Variants in FOXP2 observed in about 807,000 individuals in gnomAD.
FOXP2 encodes forkhead box protein P2.
Under a neutral mutation model 115.8 loss-of-function variants are expected in FOXP2, and 12 were observed. That is an observed-to-expected ratio of 0.10 (90% CI 0.07 to 0.17). FOXP2 has a LOEUF of 0.17. FOXP2 is among the 10% of genes least tolerant of loss of function. The pLI is 1.00. For missense variants in FOXP2, 629 were observed against 843.5 expected, an observed-to-expected ratio of 0.75 and a Z score of 3.15; for synonymous variants, 328 against 297.7, an observed-to-expected ratio of 1.10 and a Z score of -1.05.
Position 114,384,493 on chromosome 7 carries a change from C to T in FOXP2, c.-10-42009C>T, listed in dbSNP as rs147160849. Among the ~76,000 whole-genome samples the T allele has an allele frequency of 2.9e-3, 435 of 152,166 alleles. 3 individuals carry two copies. The highest frequency in any genetic ancestry group is 0.01 in the African/African-American group (421 of 41,526). Reference sequence around the variant, plus strand: ...TTAACTCTGCTTCCACAAGAGTCTCCGTATCAATGACTGAATACCCATTGT... The same window carrying T: ...TTAACTCTGCTTCCACAAGAGTCTCTGTATCAATGACTGAATACCCATTGT... On this transcript the variant is annotated intron_variant, in intron 2 of 17. Transcript: ENST00000634411.
At chr7:114,403,461 G>T (rs188546113) in intron 2 of FOXP2, among the ~76,000 whole-genome samples, 4 of 152,280 alleles carry the variant, frequency 2.6e-5, no homozygotes, top group Admixed American at 2.6e-4. Context: ...TGAAAAGAGT[G>T]AATCACTGTT....
chr7:114,270,440 A>G (rs1796007312), intron 1 of FOXP2, among the ~76,000 whole-genome samples: 2 of 152,174 alleles, frequency 1.3e-5, no homozygotes, highest in African/African-American at 2.4e-5. Context: ...TCCCACCAAC[A>G]ATGAATGAAG....
chr7:114,320,530 C>G (rs978730997), intron 2 of FOXP2, among the ~76,000 whole-genome samples: 1 of 152,158 alleles, frequency 6.6e-6, no homozygotes, highest in African/African-American at 2.4e-5. Context: ...GCACCACATT[C>G]AATACTGATT....
At chr7:114,632,816 G>T (rs1441629817) in intron 6 of FOXP2, among the ~76,000 whole-genome samples, 2 of 151,862 alleles carry the variant, frequency 1.3e-5, no homozygotes, top group Admixed American at 6.6e-5. Flanking sequence ...AAGGCAATAA[G>T]CCTGTTTTTC....
intron 1 of FOXP2, among the ~76,000 whole-genome samples, chr7:114,102,889 C>G (rs945064780): frequency 1.3e-5 from 2 of 151,984 alleles, no homozygotes; most frequent in African/African-American, 4.8e-5. Flanking sequence ...TAGTTCTTCC[C>G]TTTTCATTGC....
chr7:114,524,638 T>G (rs151139416), intron 2 of FOXP2, among the ~76,000 whole-genome samples: 1 of 152,168 alleles, frequency 6.6e-6, no homozygotes, highest in Non-Finnish European at 1.5e-5. Context: ...TTTTGAGGAT[T>G]AAATTTAGAA....
At position 114,693,200 on chromosome 7, in the gene FOXP2, A is replaced by G. The variant is rs981392499; in HGVS notation, c.*3274A>G. 5 of 452,522 alleles carry G rather than the reference A, an allele frequency of 1.1e-5. No individual in the cohort carries two copies. The highest frequency in any genetic ancestry group is 1.0e-4 in the African/African-American group (5 of 49,898). 28.0% of individuals were successfully genotyped at this position (452,522 alleles called of 1,614,324 possible). On this transcript the variant is annotated 3_prime_UTR_variant, in exon 17 of 17. Transcript: ENST00000350908. ...ACAAGTATTTGGTAGAATTACCACT[A>G]ACTGGGTTTTCTTTAGATAACTCAG... is the stretch of plus-strand genomic sequence containing the variant.
At chr7:114,349,981 A>G (rs965750020) in intron 2 of FOXP2, among the ~76,000 whole-genome samples, 1 of 152,140 alleles carries the variant, frequency 6.6e-6, no homozygotes, top group Non-Finnish European at 1.5e-5. Flanking sequence ...AGAATTCTGA[A>G]CTAATACAAA....
intron 9 of FOXP2, chr7:114,653,261 G>A (rs948394357): frequency 6.5e-6 from 1 of 154,108 alleles, no homozygotes; most frequent in Non-Finnish European, 1.5e-5. Flanking sequence ...TAAAACATAA[G>A]AGTTCAGCTG....
chr7:114,514,992 T>G (rs1197395691), intron 2 of FOXP2, among the ~76,000 whole-genome samples: 2 of 151,674 alleles, frequency 1.3e-5, no homozygotes, highest in African/African-American at 4.9e-5. Flanking sequence ...CTTGCAATAG[T>G]TTACTGAGAA....
chr7:114,145,476 C>CTTTTCTTTTCTT (rs1792345050), intron 1 of FOXP2, among the ~76,000 whole-genome samples: 2 of 139,408 alleles, frequency 1.4e-5, no homozygotes, highest in African/African-American at 5.7e-5. Context: ...CTTTTCTTTT[C>CTTTTCTTTTCTT]TTTTCTTTTC....
At chr7:114,306,440 G>A (rs776345795) in intron 2 of FOXP2, among the ~76,000 whole-genome samples, 21 of 152,102 alleles carry the variant, frequency 1.4e-4, no homozygotes, top group Non-Finnish European at 2.8e-4. Context: ...CTTTGTCCCA[G>A]ATATAATACC....
At chr7:114,436,669 G>C (rs973158097) in intron 2 of FOXP2, among the ~76,000 whole-genome samples, 1 of 151,516 alleles carries the variant, frequency 6.6e-6, no homozygotes, top group African/African-American at 2.4e-5. Context: ...ATCTAGCAGG[G>C]AATAGACAGC....
chr7:114,540,768 A>G (rs1400014765), intron 3 of FOXP2, among the ~76,000 whole-genome samples: 1 of 152,074 alleles, frequency 6.6e-6, no homozygotes, highest in Non-Finnish European at 1.5e-5. Context: ...TAAAGATGTC[A>G]TCAAAGATGT....
chr7:114,625,279 G>A (rs1245060997), intron 3 of FOXP2, among the ~76,000 whole-genome samples: 1 of 151,690 alleles, frequency 6.6e-6, no homozygotes, highest in Non-Finnish European at 1.5e-5. Context: ...TTTGGTGGTA[G>A]AGCCACCAGA....
intron 2 of FOXP2, among the ~76,000 whole-genome samples, chr7:114,520,217 A>G (rs1798546862): frequency 6.6e-6 from 1 of 152,156 alleles, no homozygotes; most frequent in South Asian, 2.1e-4. Context: ...GCTTCAAAAT[A>G]TAGTCATCCT....
In FOXP2 at chr7:114,691,817, A is replaced by C; in HGVS notation, c.*1891A>C. The C allele has an allele frequency of 2.2e-6, 1 of 453,390 alleles. No individual in the cohort carries two copies. The highest frequency in any genetic ancestry group is 4.4e-6 in the Non-Finnish European group (1 of 226,478). 28.1% of individuals were successfully genotyped at this position (453,390 alleles called of 1,614,324 possible). On this transcript the variant is annotated 3_prime_UTR_variant, in exon 17 of 17. Transcript: ENST00000350908. ...CATTGATTCTTTGCTGAAGTCAGCAAATAGAGTTAGAGAGATACCCAGTCA... is the reference window on the plus strand; with the variant it reads ...CATTGATTCTTTGCTGAAGTCAGCACATAGAGTTAGAGAGATACCCAGTCA...
intron 3 of FOXP2, among the ~76,000 whole-genome samples, chr7:114,624,090 A>G (rs1430169344): frequency 6.6e-6 from 1 of 151,942 alleles, no homozygotes; most frequent in South Asian, 2.1e-4. Context: ...CAAAGCTGGC[A>G]TTCCAATGCA....
rs775788169 is a variant in FOXP2 at position 114,154,437 on chromosome 7, AT to A, written c.-246-8506del. 3.3e-5 allele frequency among the ~76,000 whole-genome samples: 5 copies of A among 152,206 alleles called. No individual in the cohort carries two copies. The East Asian group carries it at 9.7e-4, about 29-fold the overall frequency. On this transcript the variant is annotated intron_variant, in intron 1 of 19. Transcript: ENST00000635638. ...CAACTACTCAGAAATTATTCAAAAA[AT>A]AAGTGTAAGTACATCTCCTTTAAGT...
Sources: allele counts gnomAD v4.1 joint callset (sites outside exome capture counted in the v4.1 genomes callset), GRCh38; gene constraint gnomAD v4.1.1; transcripts MANE v1.5; gene names NCBI Gene and HGNC (gene_info 2026-07-23, HGNC 2026-07-21).